The following JAK2 variants were observed in gnomAD, a reference collection of about 807,000 sequenced individuals.
The protein encoded by JAK2 is tyrosine-protein kinase JAK2.
In JAK2, 86 loss-of-function variants were observed where a neutral mutation model predicts 139.3. The ratio of observed to expected loss-of-function variants is 0.62; its 90% CI spans 0.52 to 0.74. JAK2 has a LOEUF of 0.74. Among genes scored for constraint, JAK2 ranks in the 30% least tolerant of loss-of-function variants. The probability of loss-of-function intolerance (pLI) is 0.00; values close to 1 mark genes in which losing one functional copy is unlikely to be tolerated. For missense variants in JAK2, 1,421 were observed against 1,360.3 expected (o/e 1.04, Z -0.70); for synonymous variants, 490 against 437.7 (o/e 1.12, Z -1.49).
chr9:5,114,046 A>C, intron 22 of JAK2: 1 of 322,318 alleles, frequency 3.1e-6, no homozygotes, highest in Non-Finnish European at 6.2e-6. Flanking sequence ...CTGGAGGATG[A>C]GCTGGCCTCC....
In JAK2 at chr9:5,066,787, G is replaced by A. The variant is rs560489093; in HGVS notation, c.1324G>A (p.Glu442Lys). Reference sequence around the variant, plus strand: ...TAAATATTTTTTGACTTTTGCTGTCGAGGTTAGTATGTCACACTTATTAGT... The same window carrying A: ...TAAATATTTTTTGACTTTTGCTGTCAAGGTTAGTATGTCACACTTATTAGT... ...FNKYFLTFAV[E>K]RENVIEYKHC... is the part of the protein sequence containing the mutation. The change falls in exon 10 of 25, where the codon GAG becomes AAG. Residue 442 changes from glutamate to lysine, a missense_variant and splice_region_variant. By Grantham distance (56) the Glu-to-Lys change is moderately conservative (BLOSUM62 1). Coordinates refer to ENST00000381652, the MANE Select transcript of JAK2 (RefSeq NM_004972.4). 9 of 1,479,036 alleles carry A rather than the reference G, an allele frequency of 6.1e-6. No homozygotes were observed. Among genetic ancestry groups the A allele is most frequent in the Admixed American group, 2.0e-5 (1 of 49,702 alleles). The allele number at this position is 1,479,036 out of a possible 1,614,324, so 91.6% of individuals were successfully genotyped here.
At chr9:5,025,892 A>C (rs1822753445) in intron 3 of JAK2, among the ~76,000 whole-genome samples, 2 of 152,182 alleles carry the variant, frequency 1.3e-5, no homozygotes, top group African/African-American at 4.8e-5. Flanking sequence ...TTACATTTTC[A>C]CAAAAATTGT....
intron 3 of JAK2, among the ~76,000 whole-genome samples, chr9:5,028,644 G>T (rs945264522): frequency 6.6e-6 from 1 of 152,172 alleles, no homozygotes; most frequent in African/African-American, 2.4e-5. Context: ...GTTTATCAGT[G>T]ATCTTTGTTA....
intron 2 of JAK2, among the ~76,000 whole-genome samples, chr9:5,013,034 A>G (rs1821800611): frequency 1.3e-5 from 2 of 152,260 alleles, no homozygotes; most frequent in African/African-American, 4.8e-5. Flanking sequence ...TAAAACTATC[A>G]GTACATATTG....
At chr9:5,016,790 CTT>C (rs1354298675) in intron 2 of JAK2, among the ~76,000 whole-genome samples, 5 of 152,110 alleles carry the variant, frequency 3.3e-5, no homozygotes, top group Non-Finnish European at 7.4e-5. Flanking sequence ...ATTATCCTAA[CTT>C]TTTTTCACCA....
intron 10 of JAK2, among the ~76,000 whole-genome samples, chr9:5,067,126 G>A (rs994578477): frequency 2.0e-5 from 3 of 152,108 alleles, no homozygotes; most frequent in Admixed American, 2.0e-4. Flanking sequence ...GCCACATCAT[G>A]TAGAACAAAA....
intron 22 of JAK2, among the ~76,000 whole-genome samples, chr9:5,115,910 G>C (rs1823121406): frequency 6.6e-6 from 1 of 152,150 alleles, no homozygotes; most frequent in Admixed American, 6.6e-5. Flanking sequence ...CCTGTTGTTG[G>C]GTGGAGGGCT....
intron 12 of JAK2, among the ~76,000 whole-genome samples, chr9:5,071,209 C>G (rs1261540084): frequency 6.6e-6 from 1 of 152,166 alleles, no homozygotes; most frequent in Non-Finnish European, 1.5e-5. Context: ...TTCGGAACCA[C>G]ATACTCTTAA....
At chr9:5,088,830 A>AGAGTTCCACCCTTAT (rs1403260595) in intron 19 of JAK2, among the ~76,000 whole-genome samples, 20 of 152,184 alleles carry the variant, frequency 1.3e-4, no homozygotes, top group Admixed American at 7.2e-4. Flanking sequence ...TTGTCACATT[A>AGAGTTCCACCCTTAT]GAGTTCCACC....
chr9:5,103,888 T>C (rs1821735497), intron 22 of JAK2, among the ~76,000 whole-genome samples: 1 of 152,122 alleles, frequency 6.6e-6, no homozygotes, highest in Non-Finnish European at 1.5e-5. Context: ...AGACACAGCA[T>C]ACCAGAATCT....
intron 22 of JAK2, chr9:5,114,542 G>A: frequency 2.1e-6 from 1 of 476,348 alleles, no homozygotes; most frequent in South Asian, 1.7e-5. Context: ...ACCAGGACAA[G>A]CGCACCCTCA....
At chr9:5,053,110 C>G (rs1346475224) in intron 6 of JAK2, among the ~76,000 whole-genome samples, 1 of 152,072 alleles carries the variant, frequency 6.6e-6, no homozygotes, top group Non-Finnish European at 1.5e-5. Context: ...TTCACACTAG[C>G]AGTACATGAA....
intron 3 of JAK2, among the ~76,000 whole-genome samples, chr9:5,025,538 C>CTT (rs34901657): frequency 0.22 from 30,296 of 140,240 alleles, 3,312 homozygotes; most frequent in South Asian, 0.27. Flanking sequence ...AGTTTGTTTC[C>CTT]TTTTTTTTTT....
intron 4 of JAK2, among the ~76,000 whole-genome samples, chr9:5,030,919 T>C (rs7023796): frequency 1.2e-3 from 176 of 152,166 alleles, no homozygotes; most frequent in African/African-American, 4.1e-3. Context: ...AAATAATAGA[T>C]GTACAAAAAT....
At chr9:5,038,198 T>G (rs1185099391) in intron 4 of JAK2, among the ~76,000 whole-genome samples, 1 of 152,156 alleles carries the variant, frequency 6.6e-6, no homozygotes, top group Non-Finnish European at 1.5e-5. Context: ...AGGATCAAGA[T>G]GAAATGGACA....
Position 5,029,990 on chromosome 9 carries a change from T to A in JAK2, c.350+84T>A, listed in dbSNP as rs982734832. 27 of 1,209,208 alleles carry A rather than the reference T, an allele frequency of 2.2e-5. No homozygotes were observed. In the African/African-American group the frequency reaches 4.2e-4, roughly 19 times the overall value. 74.9% of individuals were successfully genotyped at this position (1,209,208 alleles called of 1,614,324 possible). On this transcript the variant is annotated intron_variant, in intron 4 of 24. Transcript: ENST00000381652. The stretch of plus-strand genomic sequence containing the variant: ...CAAATATTTTTTAATTGCAAGGTAC[T>A]TAATACCAGATACCTGAACCAATTA...
Position 5,013,338 on chromosome 9 carries a change from C to A in JAK2, c.-25-8625C>A, listed in dbSNP as rs537367092. The stretch of plus-strand genomic sequence containing the variant: ...TAATTGTAGGAAAAACATAGTATAT[C>A]TACTTGGACTATAAAATTTTGGTAT... On this transcript the variant is annotated intron_variant, in intron 2 of 24. Coordinates refer to ENST00000381652, the MANE Select transcript of JAK2 (RefSeq NM_004972.4). 6.6e-5 allele frequency among the ~76,000 whole-genome samples: 10 copies of A among 152,282 alleles called. 1 individual carries two copies. The East Asian group carries it at 1.3e-3, about 21-fold the overall frequency.
At chr9:5,064,142 C>G (rs1045662416) in intron 8 of JAK2, among the ~76,000 whole-genome samples, 5 of 151,992 alleles carry the variant, frequency 3.3e-5, no homozygotes, top group East Asian at 3.8e-4. Context: ...GGCGACAGAG[C>G]AAGACTCTGA....
intron 20 of JAK2, 104 bp downstream of exon 20, chr9:5,089,967 C>T (rs1221331793): frequency 1.2e-5 from 8 of 670,914 alleles, no homozygotes; most frequent in Non-Finnish European, 1.8e-5. Context: ...TGCCAATGCC[C>T]AGAGGGAGAG....
Sources: gnomAD v4.1 joint callset for allele counts (sites outside exome capture counted in the v4.1 genomes callset) on GRCh38, gnomAD v4.1.1 for gene constraint, MANE v1.5 for transcripts, NCBI Gene and HGNC (gene_info 2026-07-23, HGNC 2026-07-21) for gene names.